ZNF664: variants seen among roughly 807,000 people sequenced by gnomAD.
ZNF664 encodes zinc finger protein 664.
A neutral mutation model predicts 18.2 loss-of-function variants in ZNF664; 10 were observed. The observed-to-expected ratio is 0.55, with a 90% CI of 0.34 to 0.93. The LOEUF (loss-of-function observed/expected upper bound fraction) is 0.93. ZNF664 is among the 40% of genes least tolerant of loss of function. The pLI, the probability that ZNF664 is intolerant of heterozygous loss-of-function variation, is 0.02. For synonymous variants in ZNF664, 119 were observed against 104.2 expected, an observed-to-expected ratio of 1.14 and a Z score of -0.86; for missense variants, 193 against 319.0, an observed-to-expected ratio of 0.61 and a Z score of 3.01.
intron 3 of ZNF664, among the ~76,000 whole-genome samples, chr12:124,008,462 G>A (rs1462302579): frequency 2.6e-5 from 4 of 152,190 alleles, no homozygotes; most frequent in Non-Finnish European, 5.9e-5. Flanking sequence ...CAGCCTTCCA[G>A]CCGCTTTTTT....
chr12:123,973,714 T>G (rs1278715654), intron 1 of ZNF664, 172 bp from the exon 2 acceptor site: 23 of 1,094,996 alleles, frequency 2.1e-5, no homozygotes, highest in South Asian at 4.7e-5. Context: ...CAGGCTCCAT[T>G]GTTGTTGGAG....
chr12:123,997,709 T>C (rs12303933), intron 3 of ZNF664: 49,741 of 152,068 alleles, frequency 0.33, 8,336 homozygotes, highest in African/African-American at 0.37. Flanking sequence ...TAAGGTCACA[T>C]CCTGAGGTTC....
chr12:123,997,086 ATCTCT>A (rs1174959225), intron 3 of ZNF664, among the ~76,000 whole-genome samples: 2 of 152,186 alleles, frequency 1.3e-5, no homozygotes, highest in African/African-American at 4.8e-5. Flanking sequence ...ATGAAATGTA[ATCTCT>A]TAAGTAAAAA....
At chr12:123,984,930 C>A (rs542670842) in intron 2 of ZNF664, among the ~76,000 whole-genome samples, 3 of 152,158 alleles carry the variant, frequency 2.0e-5, no homozygotes, top group African/African-American at 7.2e-5. Context: ...ATGGCAGACA[C>A]AATCAGCAAG....
chr12:123,988,642 A>G (rs1215057785), intron 3 of ZNF664, among the ~76,000 whole-genome samples: 2 of 151,902 alleles, frequency 1.3e-5, no homozygotes, highest in African/African-American at 2.4e-5. Context: ...GTTCCTGAAA[A>G]TCTTCTTACC....
chr12:123,987,437 G>A (rs1956838591), intron 2 of ZNF664, among the ~76,000 whole-genome samples: 2 of 152,158 alleles, frequency 1.3e-5, no homozygotes, highest in South Asian at 4.2e-4. Flanking sequence ...GCTTTGTTGA[G>A]CCCTTGAAAT....
chr12:123,988,802 C>T (rs1594552216), intron 3 of ZNF664, among the ~76,000 whole-genome samples: 1 of 152,006 alleles, frequency 6.6e-6, no homozygotes, highest in African/African-American at 2.4e-5. Flanking sequence ...CTCAAGAAGG[C>T]AACATATATA....
intron 3 of ZNF664, among the ~76,000 whole-genome samples, chr12:124,007,912 A>C (rs1957092022): frequency 1.3e-5 from 2 of 152,140 alleles, no homozygotes; most frequent in Admixed American, 6.5e-5. Flanking sequence ...CCTGTTCTTC[A>C]CTGTGCATCT....
At chr12:124,007,206 C>G (rs1957082911) in intron 3 of ZNF664, among the ~76,000 whole-genome samples, 1 of 152,200 alleles carries the variant, frequency 6.6e-6, no homozygotes, top group Non-Finnish European at 1.5e-5. Context: ...ACAGACAGGT[C>G]TGAGAATTTT....
chr12:124,010,715 G>A (rs1957126108), intron 3 of ZNF664, among the ~76,000 whole-genome samples: 1 of 152,210 alleles, frequency 6.6e-6, no homozygotes. Context: ...TCCTAGTACA[G>A]GAGACAGGTT....
chr12:123,973,732 A>C, intron 1 of ZNF664, 154 bp from the exon 2 acceptor site: 1 of 1,189,010 alleles, frequency 8.4e-7, no homozygotes, highest in Non-Finnish European at 1.0e-6. Context: ...GAGCCGAGGG[A>C]AGGGGGAGCG....
At chr12:123,999,956 G>A (rs1400430374) in intron 3 of ZNF664, among the ~76,000 whole-genome samples, 2 of 152,250 alleles carry the variant, frequency 1.3e-5, no homozygotes, top group African/African-American at 2.4e-5. Context: ...GGGTATCACT[G>A]TGAAGACCTT....
intron 3 of ZNF664, among the ~76,000 whole-genome samples, chr12:124,002,737 G>T (rs1358212533): frequency 6.6e-6 from 1 of 152,200 alleles, no homozygotes. Context: ...GGAACAGTTT[G>T]AGGGGAGATT....
intron 2 of ZNF664, among the ~76,000 whole-genome samples, chr12:123,978,272 A>G (rs1457981642): frequency 2.0e-5 from 3 of 151,978 alleles, no homozygotes; most frequent in Non-Finnish European, 2.9e-5. Context: ...TGGTGAAGAA[A>G]ATAATGAAGA....
At chr12:123,981,963 C>T (rs937762587) in intron 2 of ZNF664, among the ~76,000 whole-genome samples, 2 of 152,204 alleles carry the variant, frequency 1.3e-5, no homozygotes, top group African/African-American at 2.4e-5. Context: ...TGCATGACCT[C>T]GACTTCAGAT....
At chr12:123,978,065 T>G (rs530576523) in intron 2 of ZNF664, among the ~76,000 whole-genome samples, 3 of 152,144 alleles carry the variant, frequency 2.0e-5, no homozygotes, top group Admixed American at 6.5e-5. Flanking sequence ...TACAGGGCAC[T>G]CAAATCTGTA....
intron 2 of ZNF664, among the ~76,000 whole-genome samples, chr12:123,976,452 T>C (rs1425010455): frequency 1.3e-5 from 2 of 152,078 alleles, no homozygotes; most frequent in African/African-American, 4.8e-5. Flanking sequence ...GGATAGACTA[T>C]GGAGGTGAAG....
chr12:123,999,971 G>T (rs1429389747), intron 3 of ZNF664, among the ~76,000 whole-genome samples: 1 of 152,246 alleles, frequency 6.6e-6, no homozygotes, highest in African/African-American at 2.4e-5. Context: ...GACCTTGGTG[G>T]TCTATGATTC....
chr12:123,984,616 C>A (rs137991989), intron 2 of ZNF664, among the ~76,000 whole-genome samples: 1 of 151,216 alleles, frequency 6.6e-6, no homozygotes, highest in Non-Finnish European at 1.5e-5. Context: ...GTGTGGGGGC[C>A]GGGGAGGAGG....
Sources: allele counts gnomAD v4.1 joint callset (sites outside exome capture counted in the v4.1 genomes callset), GRCh38; gene constraint gnomAD v4.1.1; transcripts MANE v1.5; gene names NCBI Gene and HGNC (gene_info 2026-07-23, HGNC 2026-07-21).